The following COG5 variants were observed in gnomAD, a reference collection of about 807,000 sequenced individuals.
COG5 encodes the protein conserved oligomeric Golgi complex subunit 5.
A neutral mutation model predicts 110.4 loss-of-function variants in COG5; 86 were observed. The observed-to-expected ratio is 0.78, with a 90% CI of 0.65 to 0.93. The LOEUF (loss-of-function observed/expected upper bound fraction) is 0.93, where lower values mean the gene tolerates loss of function less well. COG5 is among the 40% of genes least tolerant of loss of function. The pLI is 0.00. For synonymous variants in COG5, 360 were observed against 334.6 expected (o/e 1.08, Z -0.83); for missense variants, 1,077 against 987.0 (o/e 1.09, Z -1.22).
intron 6 of COG5, among the ~76,000 whole-genome samples, chr7:107,456,057 C>T (rs892105394): frequency 5.9e-5 from 9 of 152,068 alleles, no homozygotes; most frequent in African/African-American, 1.2e-4. Flanking sequence ...CCTCGGCCTC[C>T]CAAAGTGCTG....
At chr7:107,511,380 C>T (rs943247599) in intron 6 of COG5, among the ~76,000 whole-genome samples, 3 of 152,054 alleles carry the variant, frequency 2.0e-5, no homozygotes, top group African/African-American at 7.2e-5. Flanking sequence ...CAATAACAGA[C>T]TCTGAAATTG....
chr7:107,468,192 T>G (rs1210461106), intron 6 of COG5, among the ~76,000 whole-genome samples: 2 of 152,182 alleles, frequency 1.3e-5, no homozygotes, highest in Admixed American at 6.5e-5. Context: ...GTTTTAACAT[T>G]GACTCTGCTG....
chr7:107,248,430 T>C lies in COG5; in HGVS notation c.1819A>G (p.Ile607Val). The C allele has an allele frequency of 6.2e-7, 1 of 1,612,352 alleles. No homozygotes were observed. The highest frequency in any genetic ancestry group is 1.3e-5 in the African/African-American group (1 of 74,792). Residue 607 changes from isoleucine to valine, a missense_variant, in exon 17 of 22, where the codon ATA becomes GTA. By Grantham distance (29) the Ile-to-Val change is conservative. Coordinates refer to ENST00000297135, the MANE Select transcript of COG5 (RefSeq NM_006348.5). ...TCTTCTTGATGCATGGTGATGATTA[T>C]GGCCTCTATAGCATCTCCCACAGAA... ...LTSVGDAIEA[I>V]IITMHQEDFS...
chr7:107,457,677 G>A (rs1001348510), intron 6 of COG5, among the ~76,000 whole-genome samples: 10 of 151,854 alleles, frequency 6.6e-5, no homozygotes, highest in African/African-American at 1.9e-4. Context: ...GATCCCCCCC[G>A]CCTCAGCCTC....
chr7:107,213,512 C>T (rs1799317057), intron 19 of COG5, among the ~76,000 whole-genome samples: 1 of 152,218 alleles, frequency 6.6e-6, no homozygotes. Flanking sequence ...AATAGCAATA[C>T]TCCCCAACAG....
intron 12 of COG5, among the ~76,000 whole-genome samples, chr7:107,288,104 C>T (rs1805797762): frequency 6.6e-6 from 1 of 152,164 alleles, no homozygotes; most frequent in Admixed American, 6.6e-5. Flanking sequence ...TGGCTCATGC[C>T]TGTAATCCCA....
Position 107,554,351 on chromosome 7 carries a change from C to T in COG5, c.235-9G>A. Reference sequence around the variant, plus strand: ...TCATGTCTTGCAACAACCTGAAAATCAAAAATAAATGATTAGCTTTTGCTC... The same window carrying T: ...TCATGTCTTGCAACAACCTGAAAATTAAAAATAAATGATTAGCTTTTGCTC... On this transcript the variant is annotated splice_polypyrimidine_tract_variant and intron_variant, in intron 2 of 21. Coordinates refer to ENST00000297135, the MANE Select transcript of COG5 (RefSeq NM_006348.5). 1 of 1,612,578 alleles carries T rather than the reference C, an allele frequency of 6.2e-7. No individual in the cohort carries two copies. The highest frequency in any genetic ancestry group is 8.5e-7 in the Non-Finnish European group (1 of 1,178,804).
intron 14 of COG5, among the ~76,000 whole-genome samples, chr7:107,266,513 A>C (rs1355480300): frequency 6.6e-6 from 1 of 152,212 alleles, no homozygotes; most frequent in Non-Finnish European, 1.5e-5. Flanking sequence ...TTCATTCATT[A>C]AACAAACTTA....
intron 10 of COG5, among the ~76,000 whole-genome samples, chr7:107,354,672 G>A (rs141766765): frequency 3.9e-5 from 6 of 151,914 alleles, no homozygotes; most frequent in African/African-American, 7.2e-5. Flanking sequence ...GTGAGACTCC[G>A]TCTCAACAAC....
At chr7:107,390,184 T>C (rs1790515789) in intron 7 of COG5, among the ~76,000 whole-genome samples, 1 of 152,208 alleles carries the variant, frequency 6.6e-6, no homozygotes, top group African/African-American at 2.4e-5. Flanking sequence ...AATGTGCCTG[T>C]CAGACACCAA....
chr7:107,365,547 A>C (rs1813525845), intron 8 of COG5, among the ~76,000 whole-genome samples: 1 of 143,356 alleles, frequency 7.0e-6, no homozygotes, highest in Admixed American at 7.2e-5. Context: ...ATTACAGCTG[A>C]GATCTACAGA....
At position 107,474,187 on chromosome 7, in the gene COG5, T is replaced by C. The variant is rs1233127709; in HGVS notation, c.538+53050A>G. The C allele has an allele frequency of 1.9e-6, 3 of 1,612,700 alleles. No homozygotes were observed. The highest frequency in any genetic ancestry group is 1.7e-4 in the Middle Eastern group (1 of 6,058). On this transcript the variant is annotated intron_variant, in intron 6 of 21. Transcript: ENST00000297135. This position sits in a 1 kb window ranked among gnomAD's most constrained non-coding sequence, Gnocchi z 5.7. Reference sequence around the variant, plus strand: ...ATCATATCCGTTAAGCTTTCAAGTGTCTCTCACCGGATTTCTTATGTTAGA... The same window carrying C: ...ATCATATCCGTTAAGCTTTCAAGTGCCTCTCACCGGATTTCTTATGTTAGA...
At chr7:107,501,341 T>C (rs1321792133) in intron 6 of COG5, among the ~76,000 whole-genome samples, 1 of 152,128 alleles carries the variant, frequency 6.6e-6, no homozygotes, top group Non-Finnish European at 1.5e-5. Context: ...GATACATTAC[T>C]AGTTGGAAGT....
chr7:107,223,600 G>C (rs1287492786), intron 19 of COG5, among the ~76,000 whole-genome samples: 2 of 152,188 alleles, frequency 1.3e-5, no homozygotes, highest in African/African-American at 2.4e-5. Flanking sequence ...AGCAGCAGGA[G>C]GTGGCCACTA....
At chr7:107,450,339 C>A (rs1795258717) in intron 6 of COG5, 2 of 152,348 alleles carry the variant, frequency 1.3e-5, no homozygotes, top group African/African-American at 2.4e-5. Flanking sequence ...CATCAGAAGA[C>A]TGAAGAAATT....
intron 5 of COG5, among the ~76,000 whole-genome samples, chr7:107,538,468 C>T (rs1303851868): frequency 6.6e-6 from 1 of 152,104 alleles, no homozygotes; most frequent in South Asian, 2.1e-4. Context: ...CTCTTTCTTT[C>T]GCCTATTAAA....
chr7:107,298,734 C>T (rs970908643), intron 11 of COG5, among the ~76,000 whole-genome samples: 1 of 152,172 alleles, frequency 6.6e-6, no homozygotes, highest in Non-Finnish European at 1.5e-5. Flanking sequence ...AGCAAACACA[C>T]ATTCTTTTCA....
intron 7 of COG5, among the ~76,000 whole-genome samples, chr7:107,397,718 A>G (rs1254431371): frequency 6.6e-6 from 1 of 152,226 alleles, no homozygotes; most frequent in African/African-American, 2.4e-5. Context: ...TTGATGAGTT[A>G]AAGTTCTTTA....
At chr7:107,490,887 G>A (rs1025181759) in intron 6 of COG5, among the ~76,000 whole-genome samples, 1 of 152,072 alleles carries the variant, frequency 6.6e-6, no homozygotes, top group Non-Finnish European at 1.5e-5. Flanking sequence ...TAAAGTATTA[G>A]TAAAGTATTA....
Sources: gnomAD v4.1 joint callset for allele counts (sites outside exome capture counted in the v4.1 genomes callset) on GRCh38, gnomAD v4.1.1 for gene constraint, Gnocchi (gnomAD v3.1) non-coding constraint, MANE v1.5 for transcripts, NCBI Gene and HGNC (gene_info 2026-07-23, HGNC 2026-07-21) for gene names.